The following SEM1 variants were observed in gnomAD, a reference collection of about 807,000 sequenced individuals.
The protein encoded by SEM1 is 26S proteasome complex subunit SEM1.
A neutral mutation model predicts 12.7 loss-of-function variants in SEM1; 3 were observed. The observed-to-expected ratio is 0.24, with a 90% confidence interval of 0.11 to 0.61. The LOEUF (loss-of-function observed/expected upper bound fraction) is 0.61, where lower values mean the gene tolerates loss of function less well. Among genes scored for constraint, SEM1 ranks in the 20% least tolerant of loss-of-function variants. The pLI, the probability that SEM1 is intolerant of heterozygous loss-of-function variation, is 0.88. For synonymous variants in SEM1, 30 were observed against 27.8 expected (o/e 1.08, Z -0.25); for missense variants, 59 against 81.3 (o/e 0.73, Z 1.06).
intron 3 of SEM1, among the ~76,000 whole-genome samples, chr7:96,501,784 A>G (rs189591249): frequency 8.5e-5 from 13 of 152,232 alleles, no homozygotes; most frequent in East Asian, 7.7e-4. Context: ...GCAGGTTTGC[A>G]TAATGCCGAT....
At chr7:96,600,807 C>T (rs1047115520) in intron 2 of SEM1, among the ~76,000 whole-genome samples, 6 of 152,210 alleles carry the variant, frequency 3.9e-5, no homozygotes, top group Admixed American at 2.6e-4. Flanking sequence ...ATGTCTCCCT[C>T]AGCCCTGTCT....
At chr7:96,587,054 A>G (rs1399737108) in intron 2 of SEM1, among the ~76,000 whole-genome samples, 1 of 150,746 alleles carries the variant, frequency 6.6e-6, no homozygotes, top group Admixed American at 6.7e-5. Flanking sequence ...TCATCCACTC[A>G]TACAATTGGG....
chr7:96,489,578 GT>G (rs1428793447), intron 1 of SEM1, among the ~76,000 whole-genome samples: 4 of 152,166 alleles, frequency 2.6e-5, no homozygotes, highest in African/African-American at 9.7e-5. Flanking sequence ...GCCTGTATTA[GT>G]TTTCTAGACC....
chr7:96,703,561 TATTC>T (rs764550086), intron 1 of SEM1, among the ~76,000 whole-genome samples: 1 of 152,024 alleles, frequency 6.6e-6, no homozygotes, highest in Non-Finnish European at 1.5e-5. Flanking sequence ...GATGTAAACA[TATTC>T]ATTATCTGTA....
chr7:96,686,942 G>C (rs957978528), downstream of SEM1, among the ~76,000 whole-genome samples: 2 of 151,856 alleles, frequency 1.3e-5, no homozygotes, highest in Non-Finnish European at 2.9e-5. Context: ...AAATTTACAA[G>C]AAAAAAACAA....
chr7:96,520,556 TG>T (rs1804236293), intron 2 of SEM1, among the ~76,000 whole-genome samples: 1 of 152,108 alleles, frequency 6.6e-6, no homozygotes, highest in South Asian at 2.1e-4. Context: ...ACCTCAATCC[TG>T]GTGGGTTACT....
chr7:96,619,922 C>A (rs1421589911), downstream of SEM1, among the ~76,000 whole-genome samples: 1 of 152,126 alleles, frequency 6.6e-6, no homozygotes, highest in Non-Finnish European at 1.5e-5. Flanking sequence ...CAAAATGGTA[C>A]CTTCGTCTTG....
chr7:96,604,694 G>A (rs538183192), intron 2 of SEM1, among the ~76,000 whole-genome samples: 4 of 152,072 alleles, frequency 2.6e-5, no homozygotes, highest in East Asian at 1.9e-4. Flanking sequence ...TGAGGCGGGC[G>A]AATCACTTGA....
At chr7:96,701,189 ACT>A (rs1369562821) in intron 1 of SEM1, among the ~76,000 whole-genome samples, 2 of 152,094 alleles carry the variant, frequency 1.3e-5, no homozygotes, top group East Asian at 3.9e-4. Context: ...TTTGTGCCAG[ACT>A]CTGTTTACAT....
At chr7:96,683,769 C>A (rs13234055), downstream of SEM1, among the ~76,000 whole-genome samples, 54 of 152,006 alleles carry the variant, frequency 3.6e-4, no homozygotes, top group African/African-American at 1.2e-3. Flanking sequence ...TCTCAGCAAA[C>A]TAACACAAGA....
intron 2 of SEM1, among the ~76,000 whole-genome samples, chr7:96,553,226 T>C (rs1292004535): frequency 6.7e-6 from 1 of 150,206 alleles, no homozygotes; most frequent in Non-Finnish European, 1.5e-5. Context: ...ATTTTGTCTT[T>C]TGTTGCCATT....
chr7:96,572,092 C>A (rs1248563512), intron 2 of SEM1, among the ~76,000 whole-genome samples: 1 of 152,120 alleles, frequency 6.6e-6, no homozygotes, highest in African/African-American at 2.4e-5. Context: ...ATAGTATTCT[C>A]TGATGGTAGT....
rs550239629 is a variant in SEM1 at position 96,706,695 on chromosome 7, C to A, written c.76+2993G>T. On this transcript the variant is annotated intron_variant, in intron 1 of 2. Transcript: ENST00000248566. Reference sequence around the variant, plus strand: ...TGCAAGATGGGATGTAGCAACGCCACTCCCAAAAGAAAGACCCACTCCCAA... The same window carrying A: ...TGCAAGATGGGATGTAGCAACGCCAATCCCAAAAGAAAGACCCACTCCCAA... Among the ~76,000 whole-genome samples, 11 of 151,966 alleles carry A rather than the reference C, an allele frequency of 7.2e-5. No homozygotes were observed. The South Asian group carries it at 2.3e-3, about 32-fold the overall frequency.
At chr7:96,614,448 A>G (rs146688109) in intron 2 of SEM1, among the ~76,000 whole-genome samples, 7 of 152,316 alleles carry the variant, frequency 4.6e-5, no homozygotes, top group African/African-American at 1.7e-4. Context: ...CAGCTTCAAG[A>G]TGAACTGTGA....
At chr7:96,553,503 G>T (rs1287241568) in intron 2 of SEM1, among the ~76,000 whole-genome samples, 2 of 151,482 alleles carry the variant, frequency 1.3e-5, no homozygotes, top group East Asian at 3.9e-4. Flanking sequence ...TCAGATAGTT[G>T]TAGATATGCA....
intron 1 of SEM1, chr7:96,695,571 G>A (rs1038412328): frequency 6.6e-6 from 1 of 151,806 alleles, no homozygotes; most frequent in Non-Finnish European, 1.5e-5. Context: ...TGCTATGTGG[G>A]TTGAGCCTGG....
intron 2 of SEM1, among the ~76,000 whole-genome samples, chr7:96,536,752 A>T (rs1804798876): frequency 6.6e-6 from 1 of 151,772 alleles, no homozygotes; most frequent in South Asian, 2.1e-4. Flanking sequence ...TCTTCTGATC[A>T]GTTAAATGTG....
chr7:96,666,690 G>C (rs759951362), intron 2 of SEM1, among the ~76,000 whole-genome samples: 2 of 141,712 alleles, frequency 1.4e-5, no homozygotes, highest in Non-Finnish European at 3.0e-5. Flanking sequence ...CAATCTCTGT[G>C]ATGCCTGAGG....
At chr7:96,652,152 A>C (rs1178073439) in intron 2 of SEM1, among the ~76,000 whole-genome samples, 1 of 152,208 alleles carries the variant, frequency 6.6e-6, no homozygotes, top group Non-Finnish European at 1.5e-5. Flanking sequence ...TTGAATCATG[A>C]AGAATTTAAT....
Sources: gnomAD v4.1 joint callset for allele counts (sites outside exome capture counted in the v4.1 genomes callset) on GRCh38, gnomAD v4.1.1 for gene constraint, MANE v1.5 for transcripts, NCBI Gene and HGNC (gene_info 2026-07-23, HGNC 2026-07-21) for gene names.